Variants in MPPED2 observed in about 807,000 individuals in gnomAD.
MPPED2 encodes metallophosphoesterase domain containing 2.
In MPPED2, 5 loss-of-function variants were observed where a neutral mutation model predicts 33.0. That is an observed-to-expected ratio of 0.15 (90% CI 0.08 to 0.32). MPPED2 has a LOEUF of 0.32. Among genes scored for constraint, MPPED2 ranks in the 10% least tolerant of loss-of-function variants. The pLI, the probability that MPPED2 is intolerant of heterozygous loss-of-function variation, is 1.00. For missense variants in MPPED2, 275 were observed against 372.1 expected (o/e 0.74, Z 2.15); for synonymous variants, 136 against 141.9 (o/e 0.96, Z 0.29).
intron 4 of MPPED2, among the ~76,000 whole-genome samples, chr11:30,473,504 A>G (rs1483008040): frequency 6.6e-6 from 1 of 152,148 alleles, no homozygotes; most frequent in African/African-American, 2.4e-5. Flanking sequence ...CACTGCCACT[A>G]TGATGGGCAG....
intron 2 of MPPED2, among the ~76,000 whole-genome samples, chr11:30,571,919 A>G (rs1956711425): frequency 6.6e-6 from 1 of 152,190 alleles, no homozygotes; most frequent in Non-Finnish European, 1.5e-5. Flanking sequence ...CCACTTGAAT[A>G]ATTTTTACCA....
intron 2 of MPPED2, among the ~76,000 whole-genome samples, chr11:30,546,024 T>C (rs1232453416): frequency 2.0e-5 from 3 of 152,194 alleles, no homozygotes; most frequent in Non-Finnish European, 4.4e-5. Flanking sequence ...CACGCCATGT[T>C]GGCCAGGCTG....
rs184080965 is a variant in MPPED2 at position 30,507,862 on chromosome 11, G to T, written c.311-12341C>A. On this transcript the variant is annotated intron_variant, in intron 3 of 6. Transcript: ENST00000358117. ...TCCCGCTGGTATGAAGCAGTAAAAA[G>T]TACGTAGTATAATTCCTCAGGAAGA... Among the ~76,000 whole-genome samples the T allele has an allele frequency of 5.9e-5, 9 of 152,284 alleles. No homozygotes were observed. The East Asian group carries it at 1.2e-3, about 20-fold the overall frequency.
At chr11:30,401,833 C>T (rs373889819) in intron 6 of MPPED2, among the ~76,000 whole-genome samples, 12 of 148,088 alleles carry the variant, frequency 8.1e-5, no homozygotes, top group African/African-American at 2.7e-4. Flanking sequence ...TACAGGCACC[C>T]GCTACCATGG....
intron 2 of MPPED2, 59 bp from the exon 3 acceptor site, chr11:30,536,234 C>G (rs1954802483): frequency 7.3e-7 from 1 of 1,363,276 alleles, no homozygotes; most frequent in African/African-American, 1.5e-5. Context: ...TTGAAATTGT[C>G]GTCGCACATA....
intron 4 of MPPED2, among the ~76,000 whole-genome samples, chr11:30,475,936 T>G (rs1236808435): frequency 6.6e-6 from 1 of 152,134 alleles, no homozygotes; most frequent in Non-Finnish European, 1.5e-5. Flanking sequence ...TTTTAGCCAT[T>G]CTATTGTGTG....
At chr11:30,585,718 TGGA>T (rs1213264217) in intron 1 of MPPED2, among the ~76,000 whole-genome samples, 7 of 150,048 alleles carry the variant, frequency 4.7e-5, no homozygotes, top group African/African-American at 7.4e-5. Flanking sequence ...CTGGAGGGGG[TGGA>T]GAAGAGAAGA....
chr11:30,437,507 T>C (rs556739397), intron 4 of MPPED2, among the ~76,000 whole-genome samples: 1 of 152,270 alleles, frequency 6.6e-6, no homozygotes, highest in South Asian at 2.1e-4. Context: ...GTAAGTCCTT[T>C]CCTGTTAGGA....
chr11:30,581,101 T>G (rs1957144854), intron 1 of MPPED2, among the ~76,000 whole-genome samples: 3 of 152,184 alleles, frequency 2.0e-5, no homozygotes. Context: ...CAGAACCTTA[T>G]GGTAAGGCAA....
At position 30,416,300 on chromosome 11, in the gene MPPED2, T is replaced by G. The variant is rs377297662; in HGVS notation, c.652+1218A>C. Among the ~76,000 whole-genome samples the G allele has an allele frequency of 2.9e-4, 44 of 152,368 alleles. 1 individual carries two copies. The South Asian group carries it at 8.3e-3, about 29-fold the overall frequency. On this transcript the variant is annotated intron_variant, in intron 5 of 6. Coordinates refer to ENST00000358117, the MANE Select transcript of MPPED2 (RefSeq NM_001584.3). ...CCCCCATCACTAAAATGTGCCACTA[T>G]GGCCTCCGCCATGGTGCTCACTTCC...
exon 7 of MPPED2, chr11:30,385,878 T>C (rs1947696890): frequency 6.6e-6 from 1 of 152,216 alleles, no homozygotes; most frequent in Non-Finnish European, 1.5e-5. Context: ...ACTCACCCAC[T>C]CCACCCTGCC....
chr11:30,409,964 T>C (rs148092206), downstream of MPPED2: 57 of 422,632 alleles, frequency 1.3e-4, 1 homozygote, highest in East Asian at 8.9e-3. Context: ...TCTGTTCCTG[T>C]AGAAATTACA....
intron 4 of MPPED2, among the ~76,000 whole-genome samples, chr11:30,469,974 T>A (rs985729407): frequency 6.6e-6 from 1 of 152,212 alleles, no homozygotes; most frequent in Non-Finnish European, 1.5e-5. Context: ...GCTAGAATCA[T>A]GTCATTCGAC....
In MPPED2 at chr11:30,580,451, A is replaced by G; in HGVS notation, c.-78T>C. The G allele has an allele frequency of 2.5e-6, 4 of 1,572,186 alleles. No homozygotes were observed. The highest frequency in any genetic ancestry group is 3.5e-6 in the Non-Finnish European group (4 of 1,156,364). ...AAGCAGGCATGGTGCGTTTCAGCCAACCTCTGAATCCAAGGATCTACTCAT... is the reference window on the plus strand; with the variant it reads ...AAGCAGGCATGGTGCGTTTCAGCCAGCCTCTGAATCCAAGGATCTACTCAT... On this transcript the variant is annotated 5_prime_UTR_variant, in exon 2 of 7. Coordinates refer to ENST00000358117, the MANE Select transcript of MPPED2 (RefSeq NM_001584.3).
At chr11:30,409,399 TG>T (rs1484081597), downstream of MPPED2, among the ~76,000 whole-genome samples, 2 of 152,240 alleles carry the variant, frequency 1.3e-5, no homozygotes, top group African/African-American at 4.8e-5. Flanking sequence ...GGGAAGCCCA[TG>T]GGAAGCTCAA....
At chr11:30,506,920 C>G (rs1296003231) in intron 3 of MPPED2, among the ~76,000 whole-genome samples, 1 of 152,208 alleles carries the variant, frequency 6.6e-6, no homozygotes, top group African/African-American at 2.4e-5. Flanking sequence ...GAAATAAAAT[C>G]TCTGCGTTAA....
At position 30,414,220 on chromosome 11, in the gene MPPED2, G is replaced by T; in HGVS notation, c.766+8C>A. ...AAAATGTTTTGAATTCTTTTCCGCT[G>T]TTCTTACCTTCATGGATTCCACCAA... On this transcript the variant is annotated splice_region_variant and intron_variant, in intron 6 of 6. Coordinates refer to ENST00000358117, the MANE Select transcript of MPPED2 (RefSeq NM_001584.3). The T allele has an allele frequency of 1.3e-6, 2 of 1,597,940 alleles. No individual in the cohort carries two copies. The highest frequency in any genetic ancestry group is 4.5e-5 in the East Asian group (2 of 44,800).
At chr11:30,538,243 A>G (rs1272517285) in intron 2 of MPPED2, among the ~76,000 whole-genome samples, 1 of 152,136 alleles carries the variant, frequency 6.6e-6, no homozygotes, top group Admixed American at 6.6e-5. Flanking sequence ...TAACATACAG[A>G]CACAGCCCCA....
chr11:30,392,159 C>T (rs1213518549), intron 6 of MPPED2, among the ~76,000 whole-genome samples: 1 of 152,194 alleles, frequency 6.6e-6, no homozygotes, highest in African/African-American at 2.4e-5. Context: ...AATTCAACAA[C>T]ATTTTTGAAC....
Sources: allele counts gnomAD v4.1 joint callset (sites outside exome capture counted in the v4.1 genomes callset), GRCh38; gene constraint gnomAD v4.1.1; transcripts MANE v1.5; gene names NCBI Gene and HGNC (gene_info 2026-07-23, HGNC 2026-07-21).